PCNP: variants seen among roughly 807,000 people sequenced by gnomAD.
The protein encoded by PCNP is PEST proteolytic signal-containing nuclear protein.
In PCNP, 6 loss-of-function variants were observed where a neutral mutation model predicts 21.8. The observed-to-expected ratio is 0.28, with a 90% CI of 0.15 to 0.54. The LOEUF is 0.54. Ranked by LOEUF, PCNP falls within the 20% of genes least tolerant of loss-of-function variation. The pLI is 0.95. For missense variants in PCNP, 161 were observed against 215.5 expected (o/e 0.75, Z 1.58); for synonymous variants, 67 against 73.2 (o/e 0.92, Z 0.43).
intron 2 of PCNP, among the ~76,000 whole-genome samples, chr3:101,584,019 G>C (rs1262899381): frequency 6.6e-6 from 1 of 151,900 alleles, no homozygotes; most frequent in East Asian, 1.9e-4. Flanking sequence ...CCTTAAGTTG[G>C]TAATGTGATA....
chr3:101,574,180 C>A lies in PCNP; in HGVS notation c.-36C>A. 6.5e-6 allele frequency: 10 copies of A among 1,546,552 alleles called. No homozygotes were observed. The highest frequency in any genetic ancestry group is 8.7e-6 in the Non-Finnish European group (10 of 1,144,210). ...GGTTGTTGGGCGGGGTCGTGACGTC[C>A]TTGGCGTGGCTGCAGGGGAGGCCGC... is the stretch of plus-strand genomic sequence containing the variant. On this transcript the variant is annotated 5_prime_UTR_variant, in exon 1 of 5. Coordinates refer to ENST00000265260, the MANE Select transcript of PCNP (RefSeq NM_020357.3).
chr3:101,579,448 T>C (rs976721768), intron 1 of PCNP: 3 of 424,452 alleles, frequency 7.1e-6, no homozygotes, highest in Non-Finnish European at 1.4e-5. Flanking sequence ...GTGTAAAAGA[T>C]GTTAGATAGA....
intron 1 of PCNP, chr3:101,576,611 G>A: frequency 3.7e-6 from 6 of 1,611,250 alleles, no homozygotes; most frequent in South Asian, 3.3e-5. Context: ...TTCTTCAGTC[G>A]CTCCAGGTCT....
intron 1 of PCNP, 41 bp downstream of exon 1, chr3:101,574,320 C>T (rs559099554): frequency 1.9e-5 from 23 of 1,203,310 alleles, no homozygotes; most frequent in South Asian, 1.9e-4. Context: ...TGGGATGCTC[C>T]GGGCCTTTCT....
At chr3:101,587,271 T>C (rs1935580466) in intron 3 of PCNP, among the ~76,000 whole-genome samples, 1 of 151,974 alleles carries the variant, frequency 6.6e-6, no homozygotes, top group Admixed American at 6.6e-5. Flanking sequence ...AAAAATACTT[T>C]TGTAAGCCTA....
intron 1 of PCNP, among the ~76,000 whole-genome samples, chr3:101,578,198 A>G (rs1019884794): frequency 2.0e-5 from 3 of 151,460 alleles, no homozygotes; most frequent in Non-Finnish European, 4.4e-5. Flanking sequence ...TTTTATTTTA[A>G]CTGTGTGTCA....
intron 1 of PCNP, among the ~76,000 whole-genome samples, chr3:101,577,123 C>T (rs948331783): frequency 1.2e-4 from 19 of 152,234 alleles, no homozygotes; most frequent in African/African-American, 4.6e-4. Context: ...CCGCGCCCGG[C>T]CAACATTAAT....
intron 2 of PCNP, among the ~76,000 whole-genome samples, chr3:101,580,390 A>G (rs1354049864): frequency 1.3e-5 from 2 of 152,140 alleles, no homozygotes; most frequent in Non-Finnish European, 2.9e-5. Flanking sequence ...ACATAGCAAG[A>G]TCTATCTCTA....
intron 1 of PCNP, among the ~76,000 whole-genome samples, chr3:101,579,080 T>C (rs897640338): frequency 2.0e-5 from 3 of 152,148 alleles, no homozygotes; most frequent in South Asian, 2.1e-4. Flanking sequence ...TTTGAAATTA[T>C]GATTAGCTCA....
At chr3:101,587,981 T>C (rs1935618940) in intron 3 of PCNP, among the ~76,000 whole-genome samples, 1 of 152,130 alleles carries the variant, frequency 6.6e-6, no homozygotes, top group African/African-American at 2.4e-5. Context: ...ATTTTGAAAA[T>C]GGAGAAATTG....
At chr3:101,589,936 A>G (rs1935721032) in intron 3 of PCNP, 2 of 358,984 alleles carry the variant, frequency 5.6e-6, no homozygotes, top group Non-Finnish European at 1.0e-5. Context: ...GACATACACA[A>G]ACAACACAAT....
intron 2 of PCNP, among the ~76,000 whole-genome samples, 153 bp downstream of exon 2, chr3:101,580,157 G>A (rs1935149389): frequency 6.6e-6 from 1 of 151,444 alleles, no homozygotes. Flanking sequence ...TTAGCACCCT[G>A]TTTAAGAAGG....
chr3:101,576,385 C>T (rs1934888044), intron 1 of PCNP: 1 of 895,996 alleles, frequency 1.1e-6, no homozygotes, highest in Non-Finnish European at 1.6e-6. Flanking sequence ...CAGGCGCGGG[C>T]CACCACGCCC....
intron 2 of PCNP, among the ~76,000 whole-genome samples, chr3:101,584,097 A>C (rs1470205963): frequency 1.3e-5 from 2 of 152,106 alleles, no homozygotes; most frequent in African/African-American, 4.8e-5. Flanking sequence ...GGACCTTACA[A>C]GTTGAAGAAA....
At chr3:101,588,630 C>T (rs565994802) in intron 3 of PCNP, among the ~76,000 whole-genome samples, 1 of 152,130 alleles carries the variant, frequency 6.6e-6, no homozygotes, top group Non-Finnish European at 1.5e-5. Flanking sequence ...CCAGCTGTTA[C>T]ATATGTGTAG....
intron 1 of PCNP, among the ~76,000 whole-genome samples, chr3:101,578,519 C>T (rs1935049206): frequency 6.6e-6 from 1 of 152,220 alleles, no homozygotes; most frequent in African/African-American, 2.4e-5. Context: ...AATCCCAAAA[C>T]ATAATCCTGC....
At chr3:101,586,561 T>A (rs1935519638) in intron 3 of PCNP, among the ~76,000 whole-genome samples, 2 of 107,116 alleles carry the variant, frequency 1.9e-5, no homozygotes, top group East Asian at 3.8e-4. Context: ...TGTGTGTGTG[T>A]GTGTGTGTGT....
In PCNP at chr3:101,578,559, A is replaced by G. The variant is rs1935051228; in HGVS notation, c.65-1231A>G. The stretch of plus-strand genomic sequence containing the variant: ...TTTCCCTGCCCTATACTGTCATTAC[A>G]ACTTTTACTCCTTGTCCAAAGGGAA... On this transcript the variant is annotated intron_variant, in intron 1 of 4. Transcript: ENST00000265260. 2.6e-5 allele frequency among the ~76,000 whole-genome samples: 4 copies of G among 152,340 alleles called. 1 individual carries two copies. The South Asian group carries it at 8.3e-4, about 32-fold the overall frequency.
At position 101,574,254 on chromosome 3, in the gene PCNP, G is replaced by C. The variant is rs1466354335; in HGVS notation, c.39G>C (p.Lys13Asn). 6.5e-7 allele frequency: 1 copy of C among 1,548,030 alleles called. No individual in the cohort carries two copies. Among genetic ancestry groups the C allele is most frequent in the East Asian group, 2.5e-5 (1 of 40,554 alleles). ...DGKAGDEKPE[K>N]SQRAGAAGGP... ...AGGCGGGAGACGAGAAGCCTGAAAA[G>C]TCGCAGCGAGCTGGAGCCGCCGGAG... The change falls in exon 1 of 5, where the codon AAG becomes AAC. Residue 13 changes from lysine to asparagine, a missense_variant. Lys to Asn is a moderately conservative substitution (Grantham distance 94). Coordinates refer to ENST00000265260, the MANE Select transcript of PCNP (RefSeq NM_020357.3).
Sources: allele counts gnomAD v4.1 joint callset (sites outside exome capture counted in the v4.1 genomes callset), GRCh38; gene constraint gnomAD v4.1.1; transcripts MANE v1.5; gene names NCBI Gene and HGNC (gene_info 2026-07-23, HGNC 2026-07-21).